The following PID1 variants were observed in gnomAD, a reference collection of about 807,000 sequenced individuals.
PID1 encodes PTB-containing, cubilin and LRP1-interacting protein.
A neutral mutation model predicts 19.1 loss-of-function variants in PID1; 10 were observed. The observed-to-expected ratio is 0.52, with a 90% CI of 0.32 to 0.89. PID1 has a LOEUF of 0.89. Ranked by LOEUF, PID1 falls within the 40% of genes least tolerant of loss-of-function variation. The probability of loss-of-function intolerance (pLI) is 0.03; values close to 1 mark genes in which losing one functional copy is unlikely to be tolerated. For missense variants in PID1, 248 were observed against 285.3 expected (o/e 0.87, Z 0.94); for synonymous variants, 130 against 116.0 (o/e 1.12, Z -0.78).
intron 1 of PID1, among the ~76,000 whole-genome samples, chr2:229,179,548 C>G (rs951728858): frequency 5.3e-5 from 8 of 152,046 alleles, no homozygotes; most frequent in Non-Finnish European, 1.2e-4. Flanking sequence ...ATTTTCATAC[C>G]ATTTAAAAAG....
intron 1 of PID1, among the ~76,000 whole-genome samples, chr2:229,255,619 T>C (rs1690271720): frequency 6.6e-6 from 1 of 152,196 alleles, no homozygotes; most frequent in African/African-American, 2.4e-5. Context: ...GGAAGTAATC[T>C]CTTCCAATGT....
At chr2:229,051,744 C>A (rs930410964) in intron 2 of PID1, among the ~76,000 whole-genome samples, 1 of 152,152 alleles carries the variant, frequency 6.6e-6, no homozygotes, top group Admixed American at 6.5e-5. Context: ...CATAAAAAGT[C>A]AGCATCACGT....
intron 2 of PID1, among the ~76,000 whole-genome samples, chr2:229,113,633 T>C (rs1695349422): frequency 6.9e-6 from 1 of 145,966 alleles, no homozygotes; most frequent in South Asian, 2.2e-4. Context: ...TATACATATT[T>C]ACAGATGGGA....
At chr2:229,188,739 CA>C (rs11313891) in intron 1 of PID1, among the ~76,000 whole-genome samples, 119,950 of 127,492 alleles carry the variant, frequency 0.94, 56,441 homozygotes, top group East Asian at 0.98. Flanking sequence ...AACTCCACCT[CA>C]AAAAAAAAAA....
chr2:229,211,272 A>G (rs1007099773), intron 1 of PID1, among the ~76,000 whole-genome samples: 3 of 152,058 alleles, frequency 2.0e-5, no homozygotes, highest in Non-Finnish European at 4.4e-5. Context: ...CAGGTTGCTG[A>G]GAAATGGGGC....
chr2:229,069,792 G>A (rs1011034812), intron 2 of PID1, among the ~76,000 whole-genome samples: 1 of 152,186 alleles, frequency 6.6e-6, no homozygotes, highest in African/African-American at 2.4e-5. Flanking sequence ...TAAGCACTAA[G>A]ATATTATTAC....
chr2:229,026,185 T>C (rs1693418884), intron 2 of PID1, 77 bp from the exon 3 acceptor site: 2 of 930,484 alleles, frequency 2.1e-6, no homozygotes, highest in African/African-American at 3.3e-5. Context: ...TGAGTAGCTG[T>C]TCCACACAGT....
intron 1 of PID1, chr2:229,262,797 C>A (rs1181028439): frequency 3.2e-6 from 5 of 1,551,256 alleles, no homozygotes; most frequent in Non-Finnish European, 3.5e-6. Context: ...TGCCAGCAAT[C>A]CTTGGCATTC....
intron 2 of PID1, among the ~76,000 whole-genome samples, chr2:229,139,075 GAAAGAAAGAA>G (rs1689939132): frequency 1.9e-5 from 1 of 51,624 alleles, no homozygotes; most frequent in African/African-American, 9.3e-5. Flanking sequence ...AAGAAAGAAA[GAAAGAAAGAA>G]AGAAAGAAAG....
chr2:229,036,896 G>A (rs1693675750), intron 2 of PID1, among the ~76,000 whole-genome samples: 1 of 152,204 alleles, frequency 6.6e-6, no homozygotes, highest in African/African-American at 2.4e-5. Context: ...AGGTTAACCT[G>A]CCTGACCACG....
chr2:229,142,068 A>G (rs1690026372), intron 2 of PID1, among the ~76,000 whole-genome samples: 2 of 151,950 alleles, frequency 1.3e-5, no homozygotes, highest in South Asian at 4.2e-4. Context: ...ACCCCGTGTT[A>G]TTTATTGCCA....
chr2:229,187,390 C>G (rs2106227383), intron 1 of PID1, among the ~76,000 whole-genome samples: 1 of 152,260 alleles, frequency 6.6e-6, no homozygotes, highest in South Asian at 2.1e-4. Flanking sequence ...ATTGGACTTA[C>G]AGTTCCACAT....
intron 1 of PID1, among the ~76,000 whole-genome samples, chr2:229,220,274 A>C (rs747837613): frequency 6.6e-6 from 1 of 152,314 alleles, no homozygotes; most frequent in South Asian, 2.1e-4. Flanking sequence ...AAACTGAGGC[A>C]TGGAAATGTT....
chr2:229,232,431 CAAAAAAAAA>C (rs386392861), intron 1 of PID1, among the ~76,000 whole-genome samples: 9 of 41,354 alleles, frequency 2.2e-4, no homozygotes, highest in Non-Finnish European at 2.7e-4. Flanking sequence ...GACTCCATCT[CAAAAAAAAA>C]AAAAAAAAAA....
At chr2:229,212,677 A>G (rs1691763601) in intron 1 of PID1, among the ~76,000 whole-genome samples, 1 of 152,240 alleles carries the variant, frequency 6.6e-6, no homozygotes, top group Non-Finnish European at 1.5e-5. Flanking sequence ...CTGAAGGTTT[A>G]GAATGCGGTT....
At chr2:229,252,493 G>A (rs1331462641) in intron 1 of PID1, among the ~76,000 whole-genome samples, 1 of 152,140 alleles carries the variant, frequency 6.6e-6, no homozygotes, top group East Asian at 1.9e-4. Context: ...GCCAGCTCCT[G>A]TTCAGCAAGG....
chr2:229,158,607 A>T lies in PID1; in HGVS notation c.31-2643T>A, dbSNP rs192151407. Among the ~76,000 whole-genome samples, 235 of 144,044 alleles carry T rather than the reference A, an allele frequency of 1.6e-3. 1 individual carries two copies. Among genetic ancestry groups the T allele is most frequent in the African/African-American group, 5.5e-3 (216 of 39,006 alleles). The allele number at this position is 144,044 out of a possible 152,430, so 94.5% of individuals were successfully genotyped here. A position where few individuals can be genotyped will look rare whatever the true frequency, so the allele number is the denominator to read the frequency against. On this transcript the variant is annotated intron_variant, in intron 1 of 2. Transcript: ENST00000392055. ...TTTTAAAAAACAAACCACAAATATTAAAAAAAAAAAGAAAACTAAATCAGG... is the reference window on the plus strand; with the variant it reads ...TTTTAAAAAACAAACCACAAATATTTAAAAAAAAAAGAAAACTAAATCAGG...
intron 2 of PID1, among the ~76,000 whole-genome samples, chr2:229,031,091 C>CT (rs1219813918): frequency 2.1e-4 from 31 of 151,144 alleles, no homozygotes; most frequent in Non-Finnish European, 3.1e-4. Context: ...TGGCAGACAC[C>CT]TGTAGTCCCA....
intron 1 of PID1, 141 bp downstream of exon 1, chr2:229,270,873 C>T: frequency 2.9e-6 from 2 of 684,146 alleles, no homozygotes; most frequent in Non-Finnish European, 4.8e-6. Context: ...CTGGGTAAAC[C>T]GACAGCATCA....
Sources: allele counts gnomAD v4.1 joint callset (sites outside exome capture counted in the v4.1 genomes callset), GRCh38; gene constraint gnomAD v4.1.1; transcripts MANE v1.5; gene names NCBI Gene and HGNC (gene_info 2026-07-23, HGNC 2026-07-21).